The following AKT3 variants were observed in gnomAD, a reference collection of about 807,000 sequenced individuals.
AKT3 encodes the protein AKT serine/threonine kinase 3.
Under a neutral mutation model 65.3 loss-of-function variants are expected in AKT3, and 15 were observed. The observed-to-expected ratio is 0.23, with a 90% confidence interval of 0.15 to 0.35. The LOEUF is 0.35. AKT3 is among the 10% of genes least tolerant of loss of function. The pLI is 1.00. For missense variants in AKT3, 243 were observed against 576.5 expected (o/e 0.42, Z 5.92); for synonymous variants, 206 against 183.8 (o/e 1.12, Z -0.98).
chr1:243,791,610 G>C (rs1447747883), intron 2 of AKT3, among the ~76,000 whole-genome samples: 1 of 152,122 alleles, frequency 6.6e-6, no homozygotes, highest in African/African-American at 2.4e-5. Context: ...TTATGTTAAT[G>C]AACAGAATTT....
intron 2 of AKT3, among the ~76,000 whole-genome samples, chr1:243,802,318 A>G (rs1692429003): frequency 6.6e-6 from 1 of 152,216 alleles, no homozygotes; most frequent in Admixed American, 6.5e-5. Flanking sequence ...ACATGGTAGC[A>G]AACGAAACCA....
intron 2 of AKT3, among the ~76,000 whole-genome samples, chr1:243,799,451 T>C (rs1021570199): frequency 2.0e-5 from 3 of 152,222 alleles, no homozygotes; most frequent in Non-Finnish European, 2.9e-5. Flanking sequence ...CTGTTAATTA[T>C]AGTTACAGTT....
At chr1:243,576,526 T>C (rs1457137313) in intron 8 of AKT3, among the ~76,000 whole-genome samples, 1 of 152,152 alleles carries the variant, frequency 6.6e-6, no homozygotes, top group African/African-American at 2.4e-5. Context: ...ATAAGCAAAT[T>C]CAGCAAAGGC....
chr1:243,832,546 T>C lies in AKT3; in HGVS notation c.46+10579A>G, dbSNP rs546735252. On this transcript the variant is annotated intron_variant, in intron 2 of 13. Coordinates refer to ENST00000673466, the MANE Select transcript of AKT3 (RefSeq NM_005465.7). ...TGTATAAAATATAAAGAATGACAAT[T>C]TGAAGGCAGTAGAAAAGCTGCAAAA... is the stretch of plus-strand genomic sequence containing the variant. Among the ~76,000 whole-genome samples the C allele has an allele frequency of 3.9e-5, 6 of 152,278 alleles. No homozygotes were observed. The South Asian group carries it at 8.3e-4, about 21-fold the overall frequency.
chr1:243,742,201 G>A (rs926953829), intron 2 of AKT3, among the ~76,000 whole-genome samples: 2 of 152,084 alleles, frequency 1.3e-5, no homozygotes, highest in Middle Eastern at 3.4e-3. Flanking sequence ...GATACCAAGG[G>A]GCCACTATGT....
At chr1:243,716,393 T>C (rs1287669498) in intron 2 of AKT3, among the ~76,000 whole-genome samples, 11 of 152,198 alleles carry the variant, frequency 7.2e-5, no homozygotes, top group Non-Finnish European at 1.5e-5. Context: ...ATCTAGCAGG[T>C]ACCAAATACA....
intron 2 of AKT3, among the ~76,000 whole-genome samples, chr1:243,765,607 G>A (rs965040522): frequency 6.6e-6 from 1 of 152,144 alleles, no homozygotes; most frequent in African/African-American, 2.4e-5. Flanking sequence ...AAGTGCTAAT[G>A]TCTCCTGATT....
chr1:243,570,860 A>C (rs1674508715), intron 9 of AKT3, among the ~76,000 whole-genome samples: 1 of 152,228 alleles, frequency 6.6e-6, no homozygotes. Flanking sequence ...CTCAGGGAGC[A>C]GAGACCACTT....
rs145577971 is a variant in AKT3 at position 243,502,979 on chromosome 1, C to T, written c.*2270G>A. On this transcript the variant is annotated 3_prime_UTR_variant, in exon 14 of 14. Transcript: ENST00000673466. ...GTAAGTGCTCTGAACATCAGCCAGT[C>T]TCAGCTTTCTGCTCTTCCTCTCACC... 35 of 233,320 alleles carry T rather than the reference C, an allele frequency of 1.5e-4. No individual in the cohort carries two copies. In the East Asian group the frequency reaches 2.1e-3, roughly 14 times the overall value. The allele number at this position is 233,320 out of a possible 1,614,324, so 14.5% of individuals were successfully genotyped here. A position where few individuals can be genotyped will look rare whatever the true frequency, so the allele number is the denominator to read the frequency against.
chr1:243,844,875 A>G (rs1034720010), intron 1 of AKT3, among the ~76,000 whole-genome samples: 1 of 152,158 alleles, frequency 6.6e-6, no homozygotes, highest in African/African-American at 2.4e-5. Context: ...CTCTCAAACT[A>G]AAAAGGAAAA....
intron 11 of AKT3, among the ~76,000 whole-genome samples, chr1:243,547,333 T>C (rs1201197296): frequency 1.3e-5 from 2 of 152,258 alleles, no homozygotes; most frequent in Non-Finnish European, 2.9e-5. Flanking sequence ...TTAGTATTTA[T>C]GACCTTTGAT....
intron 8 of AKT3, among the ~76,000 whole-genome samples, chr1:243,593,335 TG>T (rs1253243160): frequency 6.6e-6 from 1 of 152,114 alleles, no homozygotes; most frequent in Non-Finnish European, 1.5e-5. Flanking sequence ...GACTAAAAGA[TG>T]GTTAATCTCA....
chr1:243,531,045 T>C (rs1671488766), intron 12 of AKT3, among the ~76,000 whole-genome samples: 2 of 152,220 alleles, frequency 1.3e-5, no homozygotes, highest in Non-Finnish European at 2.9e-5. Context: ...ACCTACCTTC[T>C]TCCTACTCAT....
At chr1:243,785,976 T>C (rs1691237893) in intron 2 of AKT3, among the ~76,000 whole-genome samples, 1 of 152,194 alleles carries the variant, frequency 6.6e-6, no homozygotes, top group Admixed American at 6.5e-5. Context: ...TTCAGAAAGA[T>C]ACTCTGCAAG....
At chr1:243,671,975 T>C (rs1487535771) in intron 3 of AKT3, among the ~76,000 whole-genome samples, 1 of 152,200 alleles carries the variant, frequency 6.6e-6, no homozygotes. Context: ...GTCTGTTCCC[T>C]CTTCTATACC....
chr1:243,566,305 G>C (rs1302079668), intron 9 of AKT3, among the ~76,000 whole-genome samples: 2 of 152,154 alleles, frequency 1.3e-5, no homozygotes, highest in African/African-American at 2.4e-5. Context: ...GAGATGCAAG[G>C]ATAGGTTTGG....
intron 9 of AKT3, among the ~76,000 whole-genome samples, chr1:243,569,777 T>C: frequency 6.6e-6 from 1 of 152,338 alleles, no homozygotes; most frequent in African/African-American, 2.4e-5. Context: ...CTTAATGATT[T>C]CCAATATAGT....
intron 2 of AKT3, among the ~76,000 whole-genome samples, chr1:243,789,365 T>C (rs1691474035): frequency 6.6e-6 from 1 of 152,158 alleles, no homozygotes; most frequent in Non-Finnish European, 1.5e-5. Context: ...TGCTCCAGCC[T>C]AACAGAATGA....
chr1:243,683,868 C>T (rs1259492768), intron 3 of AKT3, among the ~76,000 whole-genome samples: 2 of 152,092 alleles, frequency 1.3e-5, no homozygotes, highest in East Asian at 3.9e-4. Context: ...AATTTTTCCT[C>T]CAATGGATAG....
Sources: allele counts gnomAD v4.1 joint callset (sites outside exome capture counted in the v4.1 genomes callset), GRCh38; gene constraint gnomAD v4.1.1; transcripts MANE v1.5; gene names NCBI Gene and HGNC (gene_info 2026-07-23, HGNC 2026-07-21).